Variants in IRS1 observed in about 807,000 individuals in gnomAD.
The protein encoded by IRS1 is insulin receptor substrate 1.
In IRS1, 34 loss-of-function variants were observed where a neutral mutation model predicts 65.6. The ratio of observed to expected loss-of-function variants is 0.52; its 90% CI spans 0.39 to 0.69. The LOEUF is 0.69. IRS1 is among the 30% of genes least tolerant of loss of function. The pLI is 0.00. For missense variants in IRS1, 1,641 were observed against 1,720.2 expected (o/e 0.95, Z 0.81); for synonymous variants, 699 against 683.5 (o/e 1.02, Z -0.35).
At chr2:226,739,080 C>A (rs1938387686) in intron 1 of IRS1, among the ~76,000 whole-genome samples, 1 of 152,124 alleles carries the variant, frequency 6.6e-6, no homozygotes, top group African/African-American at 2.4e-5. Context: ...CTTTGGGCCA[C>A]TTGGAAATGA....
intron 1 of IRS1, among the ~76,000 whole-genome samples, chr2:226,754,376 A>G (rs186640095): frequency 6.6e-6 from 1 of 152,152 alleles, no homozygotes; most frequent in Admixed American, 6.5e-5. Context: ...GTAATTTAGA[A>G]TCTCCAAAAA....
intron 1 of IRS1, among the ~76,000 whole-genome samples, chr2:226,760,842 A>T (rs570612326): frequency 3.9e-5 from 6 of 152,230 alleles, no homozygotes; most frequent in Non-Finnish European, 8.8e-5. Flanking sequence ...TTGAAAAGAT[A>T]TTGCAAGAAA....
Position 226,795,358 on chromosome 2 carries a change from G to C in IRS1, c.3381C>G (p.Gly1127=). ...VPFGAGAAVG[G]GGGSSSSSED... is the part of the protein sequence containing the mutation. Reference sequence around the variant, plus strand: ...CGCTGCTGCTGCTGCTACCGCCACCGCCCCCTACTGCTGCCCCCGCTCCAA... The same window carrying C: ...CGCTGCTGCTGCTGCTACCGCCACCCCCCCCTACTGCTGCCCCCGCTCCAA... Residue 1127 remains glycine (G), a synonymous_variant, in exon 1 of 2, where the codon GGC becomes GGG. Transcript: ENST00000305123. 1 of 1,612,910 alleles carries C rather than the reference G, an allele frequency of 6.2e-7. No homozygotes were observed. Among genetic ancestry groups the C allele is most frequent in the Non-Finnish European group, 8.5e-7 (1 of 1,179,924 alleles).
rs773084287 is a variant in IRS1, at chr2:226,798,751, A to G, written c.-13T>C. The G allele has an allele frequency of 1.9e-6, 3 of 1,608,416 alleles. No homozygotes were observed. The highest frequency in any genetic ancestry group is 2.5e-6 in the Non-Finnish European group (3 of 1,178,130). ...GAGGGCTCGCCATGCTGCCACCGCC[A>G]CCACCAACGCTGAGCAGAGGGAGGC... On this transcript the variant is annotated 5_prime_UTR_variant, in exon 1 of 2. Coordinates refer to ENST00000305123, the MANE Select transcript of IRS1 (RefSeq NM_005544.3). The surrounding 1 kb of genome is among the most constrained non-coding windows in gnomAD (Gnocchi z 9.4).
chr2:226,746,673 C>G (rs1447150938), intron 1 of IRS1, among the ~76,000 whole-genome samples: 1 of 151,890 alleles, frequency 6.6e-6, no homozygotes, highest in African/African-American at 2.4e-5. Flanking sequence ...TCTTTCAAGT[C>G]TTACTTCCAC....
chr2:226,783,517 G>A (rs1421965051), intron 1 of IRS1, among the ~76,000 whole-genome samples: 1 of 152,124 alleles, frequency 6.6e-6, no homozygotes, highest in Non-Finnish European at 1.5e-5. Flanking sequence ...CTGGCTCACA[G>A]AGAAAAACTC....
At chr2:226,791,245 C>T (rs560516397) in intron 1 of IRS1, among the ~76,000 whole-genome samples, 1 of 152,184 alleles carries the variant, frequency 6.6e-6, no homozygotes, top group East Asian at 1.9e-4. Flanking sequence ...GGGGGGCGGG[C>T]AGGAATCGCG....
chr2:226,781,881 C>T (rs1157992620), intron 1 of IRS1, among the ~76,000 whole-genome samples: 1 of 151,486 alleles, frequency 6.6e-6, no homozygotes, highest in Non-Finnish European at 1.5e-5. Flanking sequence ...CACACACACA[C>T]ACACACACAC....
intron 1 of IRS1, among the ~76,000 whole-genome samples, chr2:226,744,992 AC>A (rs1938510445): frequency 6.6e-6 from 1 of 152,202 alleles, no homozygotes; most frequent in Admixed American, 6.5e-5. Context: ...CCTCTCTGAA[AC>A]CAGCTGAAAC....
intron 1 of IRS1, among the ~76,000 whole-genome samples, chr2:226,755,649 T>C (rs929295241): frequency 6.6e-6 from 1 of 152,236 alleles, no homozygotes; most frequent in African/African-American, 2.4e-5. Context: ...GTTCAATTAC[T>C]GGGGGAAGTC....
intron 1 of IRS1, among the ~76,000 whole-genome samples, chr2:226,777,575 C>G (rs947344038): frequency 1.1e-4 from 16 of 152,186 alleles, no homozygotes; most frequent in Non-Finnish European, 2.1e-4. Flanking sequence ...CATCTTGTAG[C>G]TCCCATAATT....
At chr2:226,766,155 A>ATTTTTT (rs1247603503) in intron 1 of IRS1, among the ~76,000 whole-genome samples, 5 of 5,498 alleles carry the variant, frequency 9.1e-4, no homozygotes, top group Admixed American at 4.1e-3. Context: ...ATATATATAT[A>ATTTTTT]TATATATATT....
Position 226,798,648 on chromosome 2 carries a change from C to T in IRS1, c.91G>A (p.Val31Ile). ...CCAGCCTCGCTGGCCGCGCGCAGTA[C>T]GAAGAAGCGTTTGTGCATGCTCTTG... The part of the protein sequence containing the change: ...KPKSMHKRFF[V>I]LRAASEAGGP... Residue 31 changes from valine to isoleucine, a missense_variant, in exon 1 of 2, where the codon GTA (valine) becomes ATA (isoleucine). Physicochemically the swap from Val to Ile is conservative, Grantham distance 29. Around this residue, in one of 3 missense-constraint regions of IRS1, gnomAD observed 240 missense variants for 229.6 expected, o/e 1.05. Coordinates refer to ENST00000305123, the MANE Select transcript of IRS1 (RefSeq NM_005544.3). The surrounding 1 kb of genome is among the most constrained non-coding windows in gnomAD (Gnocchi z 9.4). 4 of 1,613,186 alleles carry T rather than the reference C, an allele frequency of 2.5e-6. No homozygotes were observed. The highest frequency in any genetic ancestry group is 3.4e-6 in the Non-Finnish European group (4 of 1,179,718).
At chr2:226,743,419 G>T (rs910486683) in intron 1 of IRS1, among the ~76,000 whole-genome samples, 80 of 152,124 alleles carry the variant, frequency 5.3e-4, no homozygotes, top group Non-Finnish European at 8.8e-5. Context: ...TAGCAAAGAC[G>T]GGGTTTCACC....
At position 226,732,404 on chromosome 2, in the gene IRS1, A is replaced by G. The variant is rs982434754; in HGVS notation, c.*3868T>C. 2.0e-5 allele frequency: 3 copies of G among 151,220 alleles called. No homozygotes were observed. Among genetic ancestry groups the G allele is most frequent in the African/African-American group, 7.3e-5 (3 of 41,118 alleles). The allele number at this position is 151,220 out of a possible 1,614,324, so 9.4% of individuals were successfully genotyped here. ...GAGGTCTTTTAGTCTTGGCAAGGTC[A>G]TATTTCCTCACATTCCTAGAAGAGC... On this transcript the variant is annotated 3_prime_UTR_variant, in exon 2 of 2. Coordinates refer to ENST00000305123, the MANE Select transcript of IRS1 (RefSeq NM_005544.3).
At chr2:226,736,850 A>G (rs1170338463) in intron 1 of IRS1, among the ~76,000 whole-genome samples, 4 of 152,246 alleles carry the variant, frequency 2.6e-5, no homozygotes, top group Non-Finnish European at 5.9e-5. Context: ...ATTTAGGCAG[A>G]AGCACAGCAT....
intron 1 of IRS1, among the ~76,000 whole-genome samples, chr2:226,738,670 A>G (rs1420705548): frequency 6.6e-6 from 1 of 151,834 alleles, no homozygotes; most frequent in Non-Finnish European, 1.5e-5. Context: ...ATGCTAGGAA[A>G]CTCCCCACAA....
chr2:226,799,620 T>C lies in IRS1; in HGVS notation c.-882A>G. On this transcript the variant is annotated 5_prime_UTR_variant, in exon 1 of 2. Coordinates refer to ENST00000305123, the MANE Select transcript of IRS1 (RefSeq NM_005544.3). This position sits in a 1 kb window ranked among gnomAD's most constrained non-coding sequence, Gnocchi z 6.1. ...GGAAGGGTTCGGGGAAGACGCCTGT[T>C]CCTCGGGAGGCGCTGCCGCTGCAGT... is the stretch of plus-strand genomic sequence containing the variant. 1.0e-6 allele frequency: 1 copy of C among 1,003,286 alleles called. No individual in the cohort carries two copies. 62.1% of individuals were successfully genotyped at this position (1,003,286 alleles called of 1,614,324 possible).
intron 1 of IRS1, among the ~76,000 whole-genome samples, chr2:226,770,178 C>T (rs1939136460): frequency 6.6e-6 from 1 of 152,214 alleles, no homozygotes; most frequent in Non-Finnish European, 1.5e-5. Flanking sequence ...GAGAAAACTT[C>T]ATTTAACAAG....
Sources: allele counts gnomAD v4.1 joint callset (sites outside exome capture counted in the v4.1 genomes callset), GRCh38; gene constraint gnomAD v4.1.1; regional missense constraint gnomAD v4.1.1; non-coding constraint Gnocchi (gnomAD v3.1); transcripts MANE v1.5; gene names NCBI Gene and HGNC (gene_info 2026-07-23, HGNC 2026-07-21).